Variants in STRADA observed in about 807,000 individuals in gnomAD.
STRADA encodes the protein STE20 related adaptor alpha.
A neutral mutation model predicts 55.0 loss-of-function variants in STRADA; 26 were observed. That is an observed-to-expected ratio of 0.47 (90% CI 0.35 to 0.66). The LOEUF (loss-of-function observed/expected upper bound fraction) is 0.66. STRADA is among the 30% of genes least tolerant of loss of function. STRADA has a pLI of 0.01. For synonymous variants in STRADA, 197 were observed against 210.9 expected (o/e 0.93, Z 0.57); for missense variants, 443 against 549.7 (o/e 0.81, Z 1.94).
intron 1 of STRADA, among the ~76,000 whole-genome samples, chr17:63,737,221 C>T (rs982607001): frequency 5.7e-5 from 7 of 122,376 alleles, no homozygotes; most frequent in Non-Finnish European, 4.9e-5. Flanking sequence ...TGCACTCCAG[C>T]CTGGGTGACA....
chr17:63,714,139 G>A (rs200258508), intron 4 of STRADA, 31 bp from the exon 5 acceptor site: 3 of 1,552,006 alleles, frequency 1.9e-6, no homozygotes, highest in Admixed American at 1.7e-5. Flanking sequence ...TAGGTTAGTA[G>A]AGAAAACTGG....
intron 4 of STRADA, among the ~76,000 whole-genome samples, chr17:63,721,446 C>A (rs964395279): frequency 1.4e-5 from 2 of 145,462 alleles, no homozygotes; most frequent in South Asian, 2.2e-4. Flanking sequence ...TGACTGGGCA[C>A]GGTGGCTCAC....
intron 1 of STRADA, among the ~76,000 whole-genome samples, chr17:63,733,857 C>A (rs1166952677): frequency 6.6e-6 from 1 of 152,226 alleles, no homozygotes; most frequent in Non-Finnish European, 1.5e-5. Flanking sequence ...TTCACACATG[C>A]TACCACAACT....
At position 63,703,548 on chromosome 17, in the gene STRADA, C is replaced by G; in HGVS notation, c.*51G>C. ...TGTGGCCGGCCCTCAGGAAGGGCCT[C>G]TGGGTGGCCTCTGCATCCCTGGCTG... On this transcript the variant is annotated 3_prime_UTR_variant, in exon 13 of 13. Transcript: ENST00000336174. 6.4e-7 allele frequency: 1 copy of G among 1,557,788 alleles called. No homozygotes were observed. Among genetic ancestry groups the G allele is most frequent in the Non-Finnish European group, 8.7e-7 (1 of 1,145,460 alleles).
At chr17:63,711,055 C>A in intron 6 of STRADA, 1 of 549,072 alleles carries the variant, frequency 1.8e-6, no homozygotes, top group Non-Finnish European at 3.2e-6. Flanking sequence ...GATAGGGAAA[C>A]TGCCAACAAC....
intron 4 of STRADA, among the ~76,000 whole-genome samples, chr17:63,721,713 C>CA (rs1208174884): frequency 0.013 from 1,241 of 97,624 alleles, 8 homozygotes; most frequent in African/African-American, 0.032. Flanking sequence ...GATTCGGTCT[C>CA]AAAAAAAAAA....
intron 4 of STRADA, among the ~76,000 whole-genome samples, chr17:63,721,697 G>C (rs559333075): frequency 2.0e-5 from 3 of 150,360 alleles, no homozygotes; most frequent in South Asian, 4.2e-4. Context: ...CTGGGCAACA[G>C]AGTGAGATTC....
intron 12 of STRADA, 44 bp from the exon 13 acceptor site, chr17:63,703,795 G>C (rs762272266): frequency 2.5e-6 from 4 of 1,610,296 alleles, no homozygotes; most frequent in Middle Eastern, 1.7e-4. Flanking sequence ...TGTTGCTCTG[G>C]GTCCCAGGAC....
chr17:63,734,449 C>A (rs2038276999), intron 1 of STRADA, among the ~76,000 whole-genome samples: 1 of 151,984 alleles, frequency 6.6e-6, no homozygotes, highest in African/African-American at 2.4e-5. Flanking sequence ...TAGAGGCCAG[C>A]CTGGCCAACA....
In STRADA at chr17:63,728,377, T is replaced by C; in HGVS notation, c.-8A>G. ...ACTTACAAGAAATGACATGAGTTCCTACTGTGTAGGCCTACTTCAGTTTCA... is the reference window on the plus strand; with the variant it reads ...ACTTACAAGAAATGACATGAGTTCCCACTGTGTAGGCCTACTTCAGTTTCA... On this transcript the variant is annotated 5_prime_UTR_variant, in exon 2 of 13. Transcript: ENST00000336174. 1 of 1,612,712 alleles carries C rather than the reference T, an allele frequency of 6.2e-7. No individual in the cohort carries two copies. Among genetic ancestry groups the C allele is most frequent in the Non-Finnish European group, 8.5e-7 (1 of 1,179,360 alleles).
At chr17:63,718,237 G>A (rs775864938) in intron 4 of STRADA, among the ~76,000 whole-genome samples, 23 of 152,046 alleles carry the variant, frequency 1.5e-4, no homozygotes, top group Non-Finnish European at 3.4e-4. Context: ...CTAGCTTTTT[G>A]AAACGATCTC....
rs9912265 is a variant in STRADA at position 63,707,445 on chromosome 17, C to T, written c.582-27G>A. The stretch of plus-strand genomic sequence containing the variant: ...TGGGGAAGCGGGGAGGGTGTCATGT[C>T]GAGAGCAGGAGCCCCTCCTGCTACA... On this transcript the variant is annotated intron_variant, in intron 8 of 12. Transcript: ENST00000336174. The T allele has an allele frequency of 6.5e-3, 10,413 of 1,607,530 alleles. 581 individuals carry two copies. The African/African-American group carries it at 0.12, about 19-fold the overall frequency.
chr17:63,706,205 G>C (rs563471419), intron 10 of STRADA: 1 of 156,648 alleles, frequency 6.4e-6, no homozygotes, highest in Non-Finnish European at 1.4e-5. Context: ...ATGAACAGAA[G>C]CTGAACTTAC....
At chr17:63,736,356 G>C (rs1399470196) in intron 1 of STRADA, among the ~76,000 whole-genome samples, 1 of 151,710 alleles carries the variant, frequency 6.6e-6, no homozygotes, top group Non-Finnish European at 1.5e-5. Flanking sequence ...AGCCGGGCGC[G>C]GTGGCTCACT....
intron 1 of STRADA, among the ~76,000 whole-genome samples, chr17:63,732,521 C>T (rs897541229): frequency 2.0e-5 from 3 of 151,382 alleles, no homozygotes; most frequent in South Asian, 2.1e-4. Flanking sequence ...GTAGGCCGGG[C>T]GTGGTGGTTC....
chr17:63,724,446 C>CT (rs200012223), intron 3 of STRADA, among the ~76,000 whole-genome samples: 46,614 of 140,138 alleles, frequency 0.33, 8,027 homozygotes, highest in South Asian at 0.58. Flanking sequence ...CCTGGCCTAC[C>CT]TTTTTTTTTT....
In STRADA at chr17:63,739,125, A is replaced by G. The variant is rs1054091253; in HGVS notation, c.-45+2616T>C. Among the ~76,000 whole-genome samples, 17 of 132,680 alleles carry G rather than the reference A, an allele frequency of 1.3e-4. No homozygotes were observed. In the South Asian group the frequency reaches 4.4e-3, roughly 35 times the overall value. 87.0% of individuals were successfully genotyped at this position (132,680 alleles called of 152,430 possible). ...CACTGCACTCCAGCCTGGGCAACAG[A>G]GCGAGACTCCATCTCAAAAAAAAAA... On this transcript the variant is annotated intron_variant, in intron 1 of 12. Coordinates refer to ENST00000336174, the MANE Select transcript of STRADA (RefSeq NM_001003787.4).
chr17:63,728,557 T>TAGC (rs2144165699), intron 1 of STRADA, 144 bp from the exon 2 acceptor site: 2 of 526,462 alleles, frequency 3.8e-6, no homozygotes, highest in Admixed American at 7.3e-5. Context: ...AGAGAAACTT[T>TAGC]AAGTGATGAT....
intron 1 of STRADA, among the ~76,000 whole-genome samples, chr17:63,739,230 T>C (rs8066754): frequency 0.69 from 104,951 of 151,076 alleles, 37,708 homozygotes; most frequent in African/African-American, 0.9. Flanking sequence ...TAGCCCCCTA[T>C]ACAATTATTT....
Sources: allele counts gnomAD v4.1 joint callset (sites outside exome capture counted in the v4.1 genomes callset), GRCh38; gene constraint gnomAD v4.1.1; transcripts MANE v1.5; gene names NCBI Gene and HGNC (gene_info 2026-07-23, HGNC 2026-07-21).